Variants in GLCCI1 observed in about 807,000 individuals in gnomAD.
The protein encoded by GLCCI1 is glucocorticoid-induced transcript 1 protein.
In GLCCI1, 24 loss-of-function variants were observed where a neutral mutation model predicts 52.2. The observed-to-expected ratio is 0.46, with a 90% CI of 0.33 to 0.65. The LOEUF is 0.65. GLCCI1 is among the 30% of genes least tolerant of loss of function. GLCCI1 has a pLI of 0.02. For missense variants in GLCCI1, 704 were observed against 701.5 expected, an observed-to-expected ratio of 1.00 and a Z score of -0.04; for synonymous variants, 310 against 276.5, an observed-to-expected ratio of 1.12 and a Z score of -1.20.
chr7:8,021,591 C>T (rs549711957), intron 2 of GLCCI1, among the ~76,000 whole-genome samples: 120 of 152,106 alleles, frequency 7.9e-4, no homozygotes, highest in African/African-American at 2.8e-3. Context: ...TTTTTAGAGG[C>T]GGGGTTTCAC....
At chr7:8,009,544 G>T (rs911183431) in intron 2 of GLCCI1, among the ~76,000 whole-genome samples, 5 of 152,162 alleles carry the variant, frequency 3.3e-5, no homozygotes, top group Non-Finnish European at 7.3e-5. Context: ...CCCACTTGAA[G>T]TTAAGTGTGG....
At chr7:7,988,535 G>A (rs537280943) in intron 1 of GLCCI1, among the ~76,000 whole-genome samples, 15 of 152,002 alleles carry the variant, frequency 9.9e-5, no homozygotes, top group Admixed American at 7.2e-4. Flanking sequence ...TGTCTTCGGA[G>A]AATTTCATTT....
Position 8,088,301 on chromosome 7 carries a change from AT to A in GLCCI1, c.*1765del, listed in dbSNP as rs1783163090. The A allele has an allele frequency of 6.7e-6, 1 of 149,466 alleles. No homozygotes were observed. Among genetic ancestry groups the A allele is most frequent in the African/African-American group, 2.5e-5 (1 of 40,172 alleles). 9.3% of individuals were successfully genotyped at this position (149,466 alleles called of 1,614,324 possible). ...TGTGCATTATTTTGTCATGATCTCA[AT>A]TCTCTTCTTTCCACCAAAGTTTGTC... On this transcript the variant is annotated 3_prime_UTR_variant, in exon 8 of 8. Coordinates refer to ENST00000223145, the MANE Select transcript of GLCCI1 (RefSeq NM_138426.4).
At chr7:7,995,119 A>G (rs988133868) in intron 1 of GLCCI1, among the ~76,000 whole-genome samples, 4 of 152,226 alleles carry the variant, frequency 2.6e-5, no homozygotes, top group African/African-American at 9.6e-5. Flanking sequence ...AGAAGAGTGA[A>G]TATTTTTCTA....
At chr7:8,075,105 A>G (rs1330735472) in intron 6 of GLCCI1, among the ~76,000 whole-genome samples, 1 of 152,208 alleles carries the variant, frequency 6.6e-6, no homozygotes, top group East Asian at 1.9e-4. Context: ...GCTATGAATT[A>G]TGTATAATTT....
intron 3 of GLCCI1, among the ~76,000 whole-genome samples, chr7:8,043,593 T>C (rs1301327782): frequency 2.0e-5 from 3 of 152,234 alleles, no homozygotes; most frequent in South Asian, 2.1e-4. Context: ...TGACAATAAA[T>C]AGAATGAAGG....
At position 8,067,636 on chromosome 7, in the gene GLCCI1, A is replaced by G. The variant is rs148601884; in HGVS notation, c.967-3285A>G. 6.2e-3 allele frequency among the ~76,000 whole-genome samples: 940 copies of G among 152,236 alleles called. 11 individuals are homozygous for G. Among genetic ancestry groups the G allele is most frequent in the African/African-American group, 0.019 (807 of 41,526 alleles). On this transcript the variant is annotated intron_variant, in intron 5 of 7. Coordinates refer to ENST00000223145, the MANE Select transcript of GLCCI1 (RefSeq NM_138426.4). ...TATTTGTCCTGTGCTTATGTAGCTTAGTTTGACTAGATAGCCACTTCTCGC... is the reference window on the plus strand; with the variant it reads ...TATTTGTCCTGTGCTTATGTAGCTTGGTTTGACTAGATAGCCACTTCTCGC...
chr7:8,058,546 G>A (rs1782450341), intron 4 of GLCCI1, among the ~76,000 whole-genome samples: 1 of 152,164 alleles, frequency 6.6e-6, no homozygotes, highest in Admixed American at 6.5e-5. Context: ...GTAGCTCCAG[G>A]AAATCAAATA....
At chr7:8,053,497 A>ATT (rs35685744) in intron 3 of GLCCI1, among the ~76,000 whole-genome samples, 32 of 112,046 alleles carry the variant, frequency 2.9e-4, no homozygotes, top group African/African-American at 8.2e-4. Context: ...TAATTTTTGT[A>ATT]TTTTTTTTTT....
intron 5 of GLCCI1, among the ~76,000 whole-genome samples, chr7:8,066,230 G>A (rs1014442351): frequency 1.3e-5 from 2 of 151,998 alleles, no homozygotes; most frequent in Non-Finnish European, 2.9e-5. Context: ...ATATTTCTGT[G>A]GAGTCAGTGG....
At chr7:8,051,784 G>T (rs758051834) in intron 3 of GLCCI1, among the ~76,000 whole-genome samples, 51 of 152,140 alleles carry the variant, frequency 3.4e-4, no homozygotes, top group Non-Finnish European at 5.9e-4. Context: ...CTTTGGCTAA[G>T]TACCTGTTCA....
At chr7:8,067,014 C>G (rs1318827928) in intron 5 of GLCCI1, among the ~76,000 whole-genome samples, 1 of 152,110 alleles carries the variant, frequency 6.6e-6, no homozygotes, top group African/African-American at 2.4e-5. Context: ...TTATGGACAT[C>G]GAAGTCTCTT....
intron 1 of GLCCI1, among the ~76,000 whole-genome samples, chr7:7,989,056 T>C (rs1348695827): frequency 6.6e-6 from 1 of 152,152 alleles, no homozygotes; most frequent in Admixed American, 6.5e-5. Context: ...GGTAGAGCCA[T>C]GAGATGAATG....
rs1228565122 is a variant in GLCCI1 at position 8,055,442 on chromosome 7, A to G, written c.706A>G (p.Lys236Glu). 2 of 1,612,732 alleles carry G rather than the reference A, an allele frequency of 1.2e-6. No individual in the cohort carries two copies. The highest frequency in any genetic ancestry group is 1.7e-6 in the Non-Finnish European group (2 of 1,178,882). Residue 236 changes from lysine to glutamate, a missense_variant, in exon 4 of 8, where the codon AAA becomes GAA. Around this residue, in one of 3 missense-constraint regions of GLCCI1, gnomAD observed 547 missense variants for 524.8 expected, o/e 1.04. Transcript: ENST00000223145. ...TTCCCTGTCCCCAAAGCAGATCGCC[A>G]AACTGAGGCAGCAACTACAACGCAG... ...SADQLKEQIA[K>E]LRQQLQRSKQ...
chr7:8,036,189 C>A (rs1003500624), intron 3 of GLCCI1, among the ~76,000 whole-genome samples: 2 of 152,144 alleles, frequency 1.3e-5, no homozygotes, highest in African/African-American at 4.8e-5. Flanking sequence ...AGATAAACTT[C>A]CTGAGACCTC....
intron 5 of GLCCI1, among the ~76,000 whole-genome samples, chr7:8,063,399 G>A (rs1314898707): frequency 6.6e-6 from 1 of 151,832 alleles, no homozygotes; most frequent in Admixed American, 6.6e-5. Context: ...ACCCACCTCA[G>A]CCTCCCAAAG....
chr7:8,069,981 G>T (rs1004534289), intron 5 of GLCCI1: 2 of 152,184 alleles, frequency 1.3e-5, no homozygotes, highest in Non-Finnish European at 2.9e-5. Flanking sequence ...TTAATATAGA[G>T]AATTTTACTT....
Position 8,071,113 on chromosome 7 carries a change from C to G in GLCCI1, c.1159C>G (p.Leu387Val). The G allele has an allele frequency of 1.2e-6, 2 of 1,613,964 alleles. No individual in the cohort carries two copies. The highest frequency in any genetic ancestry group is 1.7e-6 in the Non-Finnish European group (2 of 1,179,862). Residue 387 changes from leucine to valine, a missense_variant, in exon 6 of 8, where the codon CTC becomes GTC. By Grantham distance (32) the Leu-to-Val change is conservative (BLOSUM62 1). This residue lies in a region of GLCCI1 where 547 missense variants were observed against 524.8 expected (regional missense o/e 1.04). Coordinates refer to ENST00000223145, the MANE Select transcript of GLCCI1 (RefSeq NM_138426.4). ...DGSPCSTEDL[L>V]YDRDKDSGSS... Reference sequence around the variant, plus strand: ...TAGCCCTTGCTCAACAGAAGATTTGCTCTATGATCGTGATAAAGGTAAGAA... The same window carrying G: ...TAGCCCTTGCTCAACAGAAGATTTGGTCTATGATCGTGATAAAGGTAAGAA...
intron 2 of GLCCI1, among the ~76,000 whole-genome samples, chr7:8,011,231 T>C (rs1781256733): frequency 6.6e-6 from 1 of 152,190 alleles, no homozygotes; most frequent in South Asian, 2.1e-4. Flanking sequence ...ACAACCATTA[T>C]CTCCATCCAT....
Sources: gnomAD v4.1 joint callset for allele counts (sites outside exome capture counted in the v4.1 genomes callset) on GRCh38, gnomAD v4.1.1 for gene constraint, gnomAD v4.1.1 regional missense constraint, MANE v1.5 for transcripts, NCBI Gene and HGNC (gene_info 2026-07-23, HGNC 2026-07-21) for gene names.